Variants in ERC1 observed in about 807,000 individuals in gnomAD.
ERC1 encodes RAB6 interacting protein 2.
Under a neutral mutation model 132.0 loss-of-function variants are expected in ERC1, and 56 were observed. The ratio of observed to expected loss-of-function variants is 0.42; its 90% CI spans 0.34 to 0.53. ERC1 has a LOEUF of 0.53. ERC1 is among the 20% of genes least tolerant of loss of function. ERC1 has a pLI of 0.03. For missense variants in ERC1, 1,202 were observed against 1,349.9 expected (o/e 0.89, Z 1.72); for synonymous variants, 478 against 476.1 (o/e 1.00, Z -0.05).
intron 15 of ERC1, among the ~76,000 whole-genome samples, chr12:1,328,189 C>T (rs141881059): frequency 6.6e-6 from 1 of 152,146 alleles, no homozygotes; most frequent in Admixed American, 6.5e-5. Context: ...TTCTGTCACC[C>T]AGGCTGGAGT....
Position 1,370,185 on chromosome 12 carries a change from T to G in ERC1, c.2781-1648T>G, listed in dbSNP as rs182689772. 2.0e-5 allele frequency among the ~76,000 whole-genome samples: 3 copies of G among 152,386 alleles called. No individual in the cohort carries two copies. In the East Asian group the frequency reaches 5.8e-4, roughly 29 times the overall value. ...AGATGAGCTACTGAGAAATGCATTT[T>G]GGATTATGAAACTAATTGTTCACCA... On this transcript the variant is annotated intron_variant, in intron 15 of 18. Transcript: ENST00000360905.
chr12:1,120,402 G>C (rs1335033977), intron 7 of ERC1, among the ~76,000 whole-genome samples: 1 of 152,174 alleles, frequency 6.6e-6, no homozygotes, highest in East Asian at 1.9e-4. Flanking sequence ...TCATAGTAAT[G>C]GCATGGGTTA....
chr12:1,369,972 A>G (rs1286970678), intron 15 of ERC1, among the ~76,000 whole-genome samples: 2 of 152,222 alleles, frequency 1.3e-5, no homozygotes, highest in Non-Finnish European at 2.9e-5. Context: ...CAGTAGACAG[A>G]TAGTCTTCCA....
intron 1 of ERC1, among the ~76,000 whole-genome samples, chr12:1,019,730 T>C (rs1966051880): frequency 6.6e-6 from 1 of 152,106 alleles, no homozygotes; most frequent in African/African-American, 2.4e-5. Context: ...TTTGCTTTTT[T>C]GAGACAGGGT....
intron 18 of ERC1, among the ~76,000 whole-genome samples, chr12:1,458,913 G>A (rs564806915): frequency 1.2e-4 from 19 of 152,326 alleles, no homozygotes; most frequent in African/African-American, 3.8e-4. Context: ...TTTCCCACCA[G>A]AAGGAACCAG....
chr12:1,201,774 T>C (rs924673745), intron 12 of ERC1, among the ~76,000 whole-genome samples: 1 of 152,226 alleles, frequency 6.6e-6, no homozygotes, highest in Admixed American at 6.5e-5. Flanking sequence ...GTATGCAAGA[T>C]TGACATAAAC....
chr12:1,461,307 G>T (rs1213440922), intron 18 of ERC1, among the ~76,000 whole-genome samples: 1 of 152,152 alleles, frequency 6.6e-6, no homozygotes, highest in Non-Finnish European at 1.5e-5. Flanking sequence ...TTTTGAAAGT[G>T]CAGCTTTCGT....
intron 2 of ERC1, among the ~76,000 whole-genome samples, chr12:1,081,873 A>G (rs1319597308): frequency 6.6e-6 from 1 of 152,178 alleles, no homozygotes; most frequent in Non-Finnish European, 1.5e-5. Flanking sequence ...AGTAAAATAA[A>G]AAAAGAGTCC....
intron 12 of ERC1, among the ~76,000 whole-genome samples, chr12:1,219,820 A>G (rs1958803531): frequency 6.6e-6 from 1 of 151,986 alleles, no homozygotes. Context: ...TGTTTTTTGT[A>G]GAGACAGGGT....
intron 18 of ERC1, among the ~76,000 whole-genome samples, chr12:1,455,786 C>T (rs546630418): frequency 7.9e-4 from 120 of 152,300 alleles, no homozygotes; most frequent in East Asian, 1.5e-3. Flanking sequence ...CAAACTTTTT[C>T]ATAGAACTCA....
chr12:1,285,523 A>G (rs886223719), intron 14 of ERC1, among the ~76,000 whole-genome samples: 4 of 152,234 alleles, frequency 2.6e-5, no homozygotes, highest in African/African-American at 7.2e-5. Context: ...TGTAGGTGCT[A>G]GAAAGATATA....
intron 18 of ERC1, chr12:1,445,113 T>C (rs2093268492): frequency 5.5e-6 from 1 of 182,730 alleles, no homozygotes; most frequent in Non-Finnish European, 1.2e-5. Context: ...AGCTAACATA[T>C]ACATTCCCTC....
chr12:1,477,669 C>A (rs1172484263), intron 18 of ERC1, among the ~76,000 whole-genome samples: 1 of 152,050 alleles, frequency 6.6e-6, no homozygotes, highest in Non-Finnish European at 1.5e-5. Flanking sequence ...GTAAACAAAT[C>A]CTATGTATAT....
chr12:1,140,294 C>A (rs1339728525), intron 7 of ERC1, among the ~76,000 whole-genome samples: 1 of 152,152 alleles, frequency 6.6e-6, no homozygotes, highest in Non-Finnish European at 1.5e-5. Context: ...CCACCGCACA[C>A]ACAGTATTGC....
chr12:1,462,706 G>T (rs887677087), intron 18 of ERC1, among the ~76,000 whole-genome samples: 3 of 152,056 alleles, frequency 2.0e-5, no homozygotes, highest in Admixed American at 2.0e-4. Flanking sequence ...AACCTTCTGG[G>T]GTAATGAAAA....
chr12:1,138,922 T>C (rs1434585329), intron 7 of ERC1, among the ~76,000 whole-genome samples: 1 of 152,202 alleles, frequency 6.6e-6, no homozygotes. Flanking sequence ...TATTTGTAGC[T>C]GTGAGATCTT....
intron 9 of ERC1, among the ~76,000 whole-genome samples, chr12:1,181,211 T>G (rs1391417463): frequency 6.6e-6 from 1 of 152,220 alleles, no homozygotes; most frequent in Non-Finnish European, 1.5e-5. Flanking sequence ...GCTCAATATA[T>G]CAAAATCTTT....
At chr12:1,091,587 A>G (rs1219659064) in intron 3 of ERC1, among the ~76,000 whole-genome samples, 1 of 152,212 alleles carries the variant, frequency 6.6e-6, no homozygotes, top group Non-Finnish European at 1.5e-5. Context: ...TGCGCACAGC[A>G]CTAAGGATAT....
In ERC1 at chr12:1,492,885, C is replaced by T. The variant is rs2094329451; in HGVS notation, c.*2655C>T. On this transcript the variant is annotated 3_prime_UTR_variant, in exon 19 of 19. Coordinates refer to ENST00000360905, the MANE Select transcript of ERC1 (RefSeq NM_178040.4). ...CTAGGACTTGTCATTCCATGCCCCTCTCCTAGTGGTCATGGTTTCATATGG... is the reference window on the plus strand; with the variant it reads ...CTAGGACTTGTCATTCCATGCCCCTTTCCTAGTGGTCATGGTTTCATATGG... The T allele has an allele frequency of 1.7e-5, 4 of 229,790 alleles. No individual in the cohort carries two copies. Among genetic ancestry groups the T allele is most frequent in the African/African-American group, 6.6e-5 (3 of 45,124 alleles). The allele number at this position is 229,790 out of a possible 1,614,324, so 14.2% of individuals were successfully genotyped here. A position where few individuals can be genotyped will look rare whatever the true frequency, so the allele number is the denominator to read the frequency against.
Sources: gnomAD v4.1 joint callset for allele counts (sites outside exome capture counted in the v4.1 genomes callset) on GRCh38, gnomAD v4.1.1 for gene constraint, MANE v1.5 for transcripts, NCBI Gene and HGNC (gene_info 2026-07-23, HGNC 2026-07-21) for gene names.